Variants in ITSN2 observed in about 807,000 individuals in gnomAD.
The protein encoded by ITSN2 is intersectin-2.
In ITSN2, 156 loss-of-function variants were observed where a neutral mutation model predicts 243.7. That is an observed-to-expected ratio of 0.64 (90% CI 0.56 to 0.73). The LOEUF (loss-of-function observed/expected upper bound fraction) is 0.73. Ranked by LOEUF, ITSN2 falls within the 30% of genes least tolerant of loss-of-function variation. ITSN2 has a pLI of 0.00. For missense variants in ITSN2, 1,801 were observed against 1,996.1 expected (o/e 0.90, Z 1.86); for synonymous variants, 703 against 699.9 (o/e 1.00, Z -0.07).
intron 29 of ITSN2, among the ~76,000 whole-genome samples, chr2:24,229,275 G>A (rs997802308): frequency 6.6e-6 from 1 of 152,110 alleles, no homozygotes; most frequent in Non-Finnish European, 1.5e-5. Flanking sequence ...ACATACAAGA[G>A]ACTATACATT....
Position 24,210,767 on chromosome 2 carries a change from A to G in ITSN2, c.4257+13T>C, listed in dbSNP as rs1669407699. ...CTCCCTGGAGGCGCACGGCTTAACC[A>G]CACAGGCCTGACCTCCGCGAGGCCT... On this transcript the variant is annotated intron_variant, in intron 34 of 39. Transcript: ENST00000355123. 1 of 1,612,192 alleles carries G rather than the reference A, an allele frequency of 6.2e-7. No homozygotes were observed. The highest frequency in any genetic ancestry group is 1.7e-5 in the Admixed American group (1 of 59,952).
intron 1 of ITSN2, among the ~76,000 whole-genome samples, chr2:24,345,478 CCTT>C (rs1687439438): frequency 6.6e-6 from 1 of 152,134 alleles, no homozygotes; most frequent in African/African-American, 2.4e-5. Flanking sequence ...ATTGTCTAAA[CCTT>C]CTTCTAAGAT....
At chr2:24,312,905 CAG>C (rs1558609791) in intron 4 of ITSN2, among the ~76,000 whole-genome samples, 1 of 152,084 alleles carries the variant, frequency 6.6e-6, no homozygotes, top group Non-Finnish European at 1.5e-5. Flanking sequence ...TACAAAATAA[CAG>C]AAAGAGGATT....
At chr2:24,301,355 T>C in intron 10 of ITSN2, 116 bp from the exon 11 acceptor site, 1 of 527,772 alleles carries the variant, frequency 1.9e-6, no homozygotes, top group Non-Finnish European at 3.4e-6. Flanking sequence ...ATTAAAGATA[T>C]TTAAAACAGT....
At position 24,203,896 on chromosome 2, in the gene ITSN2, C is replaced by T. The variant is rs1472322148; in HGVS notation, c.4937-113G>A. ...CCTTCAAATCTGAAACAAGGAACTT[C>T]TTTTGGCTCATGGCTGTTGAATGTC... On this transcript the variant is annotated intron_variant, in intron 39 of 39. Transcript: ENST00000355123. The T allele has an allele frequency of 8.5e-6, 10 of 1,171,672 alleles. No individual in the cohort carries two copies. The East Asian group carries it at 2.4e-4, about 28-fold the overall frequency. 72.6% of individuals were successfully genotyped at this position (1,171,672 alleles called of 1,614,324 possible).
At position 24,236,868 on chromosome 2, in the gene ITSN2, A is replaced by AT. The variant is rs1030055579; in HGVS notation, c.3577+9260dup. On this transcript the variant is annotated intron_variant, in intron 29 of 39. Transcript: ENST00000355123. The stretch of plus-strand genomic sequence containing the variant: ...TCTATCTATCTATCTTTTATTTTTT[A>AT]TTTTTTTTTGTAGAGACAGGTTTCA... 1.1e-4 allele frequency among the ~76,000 whole-genome samples: 16 copies of AT among 147,386 alleles called. 1 individual carries two copies. The highest frequency in any genetic ancestry group is 4.3e-4 in the South Asian group (2 of 4,696).
Position 24,252,525 on chromosome 2 carries a change from A to C in ITSN2, c.2954-14T>G. 1 of 1,577,264 alleles carries C rather than the reference A, an allele frequency of 6.3e-7. No individual in the cohort carries two copies. Among genetic ancestry groups the C allele is most frequent in the Non-Finnish European group, 8.7e-7 (1 of 1,155,862 alleles). The stretch of plus-strand genomic sequence containing the variant: ...GTGCAATATATTCTGTAGGGAACAA[A>C]GCAAAAAGAAGTAGATTCTGGTTTT... On this transcript the variant is annotated splice_polypyrimidine_tract_variant and intron_variant, in intron 24 of 39. Coordinates refer to ENST00000355123, the MANE Select transcript of ITSN2 (RefSeq NM_006277.3).
intron 20 of ITSN2, among the ~76,000 whole-genome samples, chr2:24,269,069 T>C (rs1677025292): frequency 6.6e-6 from 1 of 152,074 alleles, no homozygotes; most frequent in South Asian, 2.1e-4. Context: ...TTTTTTTTTT[T>C]TTCCTACTAC....
In ITSN2 at chr2:24,225,941, T is replaced by C. The variant is rs149359894; in HGVS notation, c.3578-4875A>G. On this transcript the variant is annotated intron_variant, in intron 29 of 39. Transcript: ENST00000355123. The surrounding 1 kb of genome is among the most constrained non-coding windows in gnomAD (Gnocchi z 4.2). Reference sequence around the variant, plus strand: ...CCCTTTGCCACTCTCTATACCTGCATTGTCAATAGAGTAGCCCTTAGCAAG... The same window carrying C: ...CCCTTTGCCACTCTCTATACCTGCACTGTCAATAGAGTAGCCCTTAGCAAG... Among the ~76,000 whole-genome samples the C allele has an allele frequency of 5.6e-3, 851 of 152,294 alleles. 4 individuals are homozygous for C. Among genetic ancestry groups the C allele is most frequent in the Non-Finnish European group, 9.5e-3 (643 of 68,012 alleles).
chr2:24,337,311 AC>A (rs1686496921), intron 1 of ITSN2, among the ~76,000 whole-genome samples: 3 of 20,314 alleles, frequency 1.5e-4, no homozygotes, highest in Admixed American at 6.0e-4. Context: ...GTGTGTATAC[AC>A]AAAATATATA....
At chr2:24,304,756 G>C (rs1682261791) in intron 8 of ITSN2, among the ~76,000 whole-genome samples, 1 of 152,072 alleles carries the variant, frequency 6.6e-6, no homozygotes, top group African/African-American at 2.4e-5. Context: ...AGGCAATAGA[G>C]CAAACAGAAG....
intron 32 of ITSN2, among the ~76,000 whole-genome samples, chr2:24,214,145 T>C (rs1669748160): frequency 6.6e-6 from 1 of 152,208 alleles, no homozygotes; most frequent in South Asian, 2.1e-4. Flanking sequence ...CCTGAGATAA[T>C]CCTATTTGGT....
intron 15 of ITSN2, among the ~76,000 whole-genome samples, chr2:24,291,474 T>C (rs950751112): frequency 1.4e-5 from 2 of 146,368 alleles, no homozygotes; most frequent in South Asian, 2.1e-4. Context: ...TATAGCTGCA[T>C]ATTTCTTCTT....
intron 1 of ITSN2, among the ~76,000 whole-genome samples, chr2:24,339,532 T>TGGAGTTCTAAAAGTTTCAA (rs1156897242): frequency 3.3e-5 from 5 of 151,672 alleles, no homozygotes; most frequent in African/African-American, 1.2e-4. Context: ...TTACGCTCCT[T>TGGAGTTCTAAAAGTTTCAA]GGAGTTCTAA....
chr2:24,312,944 A>G (rs964335177), intron 4 of ITSN2, among the ~76,000 whole-genome samples: 30 of 152,110 alleles, frequency 2.0e-4, no homozygotes, highest in African/African-American at 6.3e-4. Context: ...TTATAAGGAA[A>G]TTTTTCTCAA....
intron 7 of ITSN2, among the ~76,000 whole-genome samples, chr2:24,309,481 T>TCA (rs1682982568): frequency 6.6e-6 from 1 of 152,230 alleles, no homozygotes; most frequent in Non-Finnish European, 1.5e-5. Flanking sequence ...ATTACAGGCG[T>TCA]GAGCCACTGT....
At chr2:24,357,539 C>T (rs774372516) in intron 1 of ITSN2, among the ~76,000 whole-genome samples, 15 of 152,062 alleles carry the variant, frequency 9.9e-5, no homozygotes, top group Non-Finnish European at 2.2e-4. Context: ...CACCACGGTG[C>T]ACGTATACCT....
chr2:24,221,839 A>G (rs1274143645), intron 29 of ITSN2, among the ~76,000 whole-genome samples: 4 of 152,228 alleles, frequency 2.6e-5, no homozygotes, highest in Non-Finnish European at 4.4e-5. Context: ...ATCACAGCTG[A>G]ACTAGATGTC....
intron 1 of ITSN2, among the ~76,000 whole-genome samples, chr2:24,337,768 A>G (rs1055531023): frequency 3.3e-5 from 5 of 151,276 alleles, no homozygotes; most frequent in Admixed American, 2.6e-4. Flanking sequence ...TAGGACTACA[A>G]GTGTGCACCA....
Sources: allele counts gnomAD v4.1 joint callset (sites outside exome capture counted in the v4.1 genomes callset), GRCh38; gene constraint gnomAD v4.1.1; non-coding constraint Gnocchi (gnomAD v3.1); transcripts MANE v1.5; gene names NCBI Gene and HGNC (gene_info 2026-07-23, HGNC 2026-07-21).